The following UNC13C variants were observed in gnomAD, a reference collection of about 807,000 sequenced individuals.
The protein encoded by UNC13C is protein unc-13 homolog C.
In UNC13C, 174 loss-of-function variants were observed where a neutral mutation model predicts 245.4. That is an observed-to-expected ratio of 0.71 (90% confidence interval 0.63 to 0.80). The LOEUF is 0.80. UNC13C is among the 30% of genes least tolerant of loss of function. The pLI is 0.00. For missense variants in UNC13C, 2,829 were observed against 2,602.9 expected (o/e 1.09, Z -1.89); for synonymous variants, 992 against 895.1 (o/e 1.11, Z -1.93).
Position 54,533,846 on chromosome 15 carries a change from C to G in UNC13C, c.5696+780C>G, listed in dbSNP as rs1596528947. 2.6e-5 allele frequency among the ~76,000 whole-genome samples: 4 copies of G among 152,246 alleles called. No homozygotes were observed. The Middle Eastern group carries it at 0.01, about 388-fold the overall frequency. The stretch of plus-strand genomic sequence containing the variant: ...GGGATTGGGAATCATTGATCTAAAG[C>G]AACCAGAAACATGATTTCGTAAACA... On this transcript the variant is annotated intron_variant, in intron 26 of 32. Coordinates refer to ENST00000260323, the MANE Select transcript of UNC13C (RefSeq NM_001080534.3).
the UNC13C span, among the ~76,000 whole-genome samples, chr15:53,952,126 A>G: frequency 6.6e-6 from 1 of 152,182 alleles, no homozygotes; most frequent in Non-Finnish European, 1.5e-5. Context: ...AGGACACAGT[A>G]AACCATTCCT....
chr15:53,980,074 G>T (rs974578719), intron 1 of UNC13C, among the ~76,000 whole-genome samples: 3 of 152,048 alleles, frequency 2.0e-5, no homozygotes, highest in African/African-American at 7.2e-5. Context: ...AATTATTGTT[G>T]TTCCCACTTT....
chr15:53,874,502 C>T, the UNC13C span, among the ~76,000 whole-genome samples: 2 of 152,164 alleles, frequency 1.3e-5, no homozygotes, highest in Non-Finnish European at 2.9e-5. Context: ...ACTTATGTTA[C>T]TGAAATTGGG....
At chr15:54,212,992 G>C (rs1567102683) in intron 4 of UNC13C, among the ~76,000 whole-genome samples, 1 of 152,032 alleles carries the variant, frequency 6.6e-6, no homozygotes, top group Non-Finnish European at 1.5e-5. Flanking sequence ...GAGACATAAT[G>C]AATCTATTTG....
At chr15:54,056,023 A>G (rs975305044) in intron 2 of UNC13C, among the ~76,000 whole-genome samples, 20 of 152,100 alleles carry the variant, frequency 1.3e-4, no homozygotes, top group Non-Finnish European at 2.4e-4. Context: ...GTAAGTCCCA[A>G]TTGAGTACAA....
intron 2 of UNC13C, among the ~76,000 whole-genome samples, chr15:54,053,220 T>A (rs914398032): frequency 1.3e-5 from 2 of 152,060 alleles, no homozygotes; most frequent in African/African-American, 4.8e-5. Context: ...TTAGTAGACA[T>A]CTGGTTTCAC....
At chr15:54,121,970 T>A (rs2030699356) in intron 2 of UNC13C, among the ~76,000 whole-genome samples, 1 of 152,018 alleles carries the variant, frequency 6.6e-6, no homozygotes, top group African/African-American at 2.4e-5. Context: ...TAGTGTTAAG[T>A]TTTTTATGTT....
the UNC13C span, among the ~76,000 whole-genome samples, chr15:53,894,948 G>T: frequency 6.6e-6 from 1 of 151,768 alleles, no homozygotes; most frequent in Non-Finnish European, 1.5e-5. Flanking sequence ...GTTCCACATA[G>T]TATTATATTG....
intron 1 of UNC13C, among the ~76,000 whole-genome samples, chr15:53,983,682 C>T (rs1425228071): frequency 6.6e-6 from 1 of 151,484 alleles, no homozygotes; most frequent in Non-Finnish European, 1.5e-5. Flanking sequence ...TCCATTTGGC[C>T]TTGAGTGGGA....
intron 4 of UNC13C, among the ~76,000 whole-genome samples, chr15:54,226,896 A>G (rs1324021198): frequency 6.6e-6 from 1 of 152,136 alleles, no homozygotes; most frequent in Non-Finnish European, 1.5e-5. Flanking sequence ...CCCCTGGCTC[A>G]GGGAGTCCCC....
chr15:54,003,741 G>A (rs1389125800), intron 1 of UNC13C, among the ~76,000 whole-genome samples: 3 of 152,232 alleles, frequency 2.0e-5, no homozygotes, highest in African/African-American at 7.2e-5. Flanking sequence ...GGCCGGGCGC[G>A]GTGGCTTAAG....
At chr15:53,927,549 A>C in the UNC13C span, among the ~76,000 whole-genome samples, 3 of 152,214 alleles carry the variant, frequency 2.0e-5, no homozygotes, top group African/African-American at 7.2e-5. Flanking sequence ...CTAACAAGAC[A>C]CTTATTAGAG....
intron 19 of UNC13C, among the ~76,000 whole-genome samples, chr15:54,465,407 A>G (rs59831347): frequency 0.01 from 1,556 of 152,186 alleles, 30 homozygotes; most frequent in African/African-American, 0.035. Flanking sequence ...ACTTTGGTAG[A>G]TATGATAAAA....
chr15:54,181,410 T>C (rs2033793493), intron 4 of UNC13C, among the ~76,000 whole-genome samples: 1 of 152,110 alleles, frequency 6.6e-6, no homozygotes, highest in African/African-American at 2.4e-5. Flanking sequence ...GGCTTTATAG[T>C]ATAGTTTGAA....
At chr15:54,355,917 G>A (rs1171110526) in intron 17 of UNC13C, among the ~76,000 whole-genome samples, 1 of 152,014 alleles carries the variant, frequency 6.6e-6, no homozygotes, top group African/African-American at 2.4e-5. Flanking sequence ...ATATAGATAT[G>A]TTTGTATATA....
intron 1 of UNC13C, among the ~76,000 whole-genome samples, chr15:53,981,123 T>C (rs1345977031): frequency 6.6e-6 from 1 of 152,190 alleles, no homozygotes; most frequent in African/African-American, 2.4e-5. Flanking sequence ...TATGATAATA[T>C]CTTTTCCCCG....
chr15:54,319,667 G>C (rs995019698), intron 13 of UNC13C, among the ~76,000 whole-genome samples: 11 of 146,474 alleles, frequency 7.5e-5, no homozygotes, highest in African/African-American at 2.6e-4. Flanking sequence ...TTTATTTTTT[G>C]TGAGTGCCAC....
In UNC13C at chr15:54,387,051, T is replaced by G. The variant is rs181501510; in HGVS notation, c.4714-5997T>G. Among the ~76,000 whole-genome samples the G allele has an allele frequency of 3.9e-5, 6 of 152,306 alleles. No homozygotes were observed. The East Asian group carries it at 9.7e-4, about 25-fold the overall frequency. On this transcript the variant is annotated intron_variant, in intron 17 of 32. Coordinates refer to ENST00000260323, the MANE Select transcript of UNC13C (RefSeq NM_001080534.3). ...CTCCTGGGTATCTGAAACTTTAGGT[T>G]CTACTTCTAAACTGATGGTGAACCC...
the UNC13C span, among the ~76,000 whole-genome samples, chr15:53,863,238 G>A: frequency 6.6e-6 from 1 of 152,278 alleles, no homozygotes; most frequent in Non-Finnish European, 1.5e-5. Context: ...CTTAAGGCCT[G>A]AGACTACTCC....
Sources: gnomAD v4.1 joint callset for allele counts (sites outside exome capture counted in the v4.1 genomes callset) on GRCh38, gnomAD v4.1.1 for gene constraint, MANE v1.5 for transcripts, NCBI Gene and HGNC (gene_info 2026-07-23, HGNC 2026-07-21) for gene names.